Variants in FAM222A observed in about 807,000 individuals in gnomAD.
FAM222A encodes the protein family with sequence similarity 222 member A, also known as protein FAM222A.
A neutral mutation model predicts 25.8 loss-of-function variants in FAM222A; 7 were observed. That is an observed-to-expected ratio of 0.27 (90% confidence interval 0.15 to 0.51). The LOEUF (loss-of-function observed/expected upper bound fraction) is 0.51, where lower values mean the gene tolerates loss of function less well. Ranked by LOEUF, FAM222A falls within the 20% of genes least tolerant of loss-of-function variation. The probability of loss-of-function intolerance (pLI) is 0.97; values close to 1 mark genes in which losing one functional copy is unlikely to be tolerated. For synonymous variants in FAM222A, 294 were observed against 298.8 expected (o/e 0.98, Z 0.17); for missense variants, 573 against 640.5 (o/e 0.89, Z 1.14).
Position 109,713,850 on chromosome 12 carries a change from C to A in FAM222A, c.-1094C>A, listed in dbSNP as rs975867709. 1.3e-5 allele frequency among the ~76,000 whole-genome samples: 2 copies of A among 150,270 alleles called. No individual in the cohort carries two copies. The highest frequency in any genetic ancestry group is 3.9e-4 in the East Asian group (2 of 5,122). On this transcript the variant is annotated 5_prime_UTR_variant, in exon 1 of 3. Transcript: ENST00000538780. ...AGTCGGGCCAGAGCGGAGCAGCGGG[C>A]AGGACTGCCTGGCCGGCTGCTCCGC... is the stretch of plus-strand genomic sequence containing the variant.
chr12:109,734,268 G>C (rs1888021409), intron 1 of FAM222A: 1 of 151,950 alleles, frequency 6.6e-6, no homozygotes, highest in South Asian at 2.1e-4. Context: ...GGAGAGATGT[G>C]CGCTACACAC....
chr12:109,742,474 A>T (rs1888270552), intron 1 of FAM222A, among the ~76,000 whole-genome samples: 1 of 152,220 alleles, frequency 6.6e-6, no homozygotes, highest in African/African-American at 2.4e-5. Flanking sequence ...GGCCTATTTT[A>T]AAATTACCAG....
intron 1 of FAM222A, among the ~76,000 whole-genome samples, chr12:109,738,756 C>T (rs992033772): frequency 6.6e-6 from 1 of 152,232 alleles, no homozygotes; most frequent in Non-Finnish European, 1.5e-5. Context: ...GACTGCCCCA[C>T]ACCTTGTACA....
chr12:109,715,203 C>T (rs929878901), intron 1 of FAM222A, among the ~76,000 whole-genome samples: 5 of 152,040 alleles, frequency 3.3e-5, no homozygotes, highest in Admixed American at 3.3e-4. Context: ...CCCGGGAACT[C>T]CAGTGTCTTG....
At chr12:109,723,924 A>C (rs1019091375) in intron 1 of FAM222A, among the ~76,000 whole-genome samples, 2 of 151,238 alleles carry the variant, frequency 1.3e-5, no homozygotes, top group Admixed American at 1.3e-4. Flanking sequence ...GTGCCACCAT[A>C]TGCAAAAGAG....
chr12:109,762,612 C>G (rs769481835), intron 2 of FAM222A, among the ~76,000 whole-genome samples: 5 of 152,240 alleles, frequency 3.3e-5, no homozygotes, highest in Non-Finnish European at 7.3e-5. Context: ...CAAAACGGGA[C>G]TGTGCAATTG....
chr12:109,726,334 C>CT (rs1055121644), intron 1 of FAM222A, among the ~76,000 whole-genome samples: 2 of 152,106 alleles, frequency 1.3e-5, no homozygotes, highest in African/African-American at 2.4e-5. Flanking sequence ...CTGCTGGGGC[C>CT]TGGGGACATC....
intron 2 of FAM222A, among the ~76,000 whole-genome samples, chr12:109,763,440 A>G (rs1014714572): frequency 6.6e-6 from 1 of 152,222 alleles, no homozygotes; most frequent in Non-Finnish European, 1.5e-5. Context: ...AGGGTCTGTC[A>G]TGAGGTTGCA....
intron 2 of FAM222A, among the ~76,000 whole-genome samples, chr12:109,749,742 T>TG (rs1424193112): frequency 5.3e-5 from 8 of 152,236 alleles, no homozygotes; most frequent in Non-Finnish European, 1.0e-4. Flanking sequence ...GGCTTTTGAA[T>TG]GGTGATGCAA....
intron 2 of FAM222A, among the ~76,000 whole-genome samples, chr12:109,758,434 T>C (rs1046399346): frequency 6.6e-6 from 1 of 152,132 alleles, no homozygotes; most frequent in Non-Finnish European, 1.5e-5. Flanking sequence ...TGCAGTCACT[T>C]CCCTGAGGTT....
At position 109,714,166 on chromosome 12, in the gene FAM222A, G is replaced by A. The variant is rs550862603; in HGVS notation, c.-778G>A. On this transcript the variant is annotated 5_prime_UTR_variant, in exon 1 of 3. Transcript: ENST00000538780. The surrounding 1 kb of genome is among the most constrained non-coding windows in gnomAD (Gnocchi z 4.2). ...GGATCGGCTGTTTCTCAGCGCCGAGGCCCCCGAGGCTGCATCCGAGCTTGC... is the reference window on the plus strand; with the variant it reads ...GGATCGGCTGTTTCTCAGCGCCGAGACCCCCGAGGCTGCATCCGAGCTTGC... The A allele has an allele frequency of 3.2e-5, 6 of 185,514 alleles. No individual in the cohort carries two copies. In the South Asian group the frequency reaches 4.9e-4, roughly 15 times the overall value. The allele number at this position is 185,514 out of a possible 1,614,324, so 11.5% of individuals were successfully genotyped here.
At chr12:109,762,631 A>G (rs1592800109) in intron 2 of FAM222A, among the ~76,000 whole-genome samples, 2 of 152,082 alleles carry the variant, frequency 1.3e-5, no homozygotes, top group Admixed American at 6.6e-5. Context: ...TGCACTAAAC[A>G]CTCGCAGCTG....
intron 1 of FAM222A, among the ~76,000 whole-genome samples, chr12:109,731,568 T>G (rs1467235812): frequency 6.6e-6 from 1 of 152,168 alleles, no homozygotes; most frequent in African/African-American, 2.4e-5. Flanking sequence ...TGCTGCTCGA[T>G]GAAGCCACCC....
chr12:109,737,437 A>G (rs1303686986), intron 1 of FAM222A, among the ~76,000 whole-genome samples: 1 of 151,782 alleles, frequency 6.6e-6, no homozygotes, highest in Non-Finnish European at 1.5e-5. Flanking sequence ...TTGTCCTAGA[A>G]ACCAAAGAGC....
chr12:109,733,180 G>T (rs1887989104), intron 1 of FAM222A, among the ~76,000 whole-genome samples: 1 of 152,170 alleles, frequency 6.6e-6, no homozygotes, highest in South Asian at 2.1e-4. Context: ...TTGAACATTT[G>T]CAGTGAGGCA....
intron 1 of FAM222A, among the ~76,000 whole-genome samples, chr12:109,726,119 TAAAA>T (rs11464580): frequency 1.8e-5 from 2 of 110,378 alleles, no homozygotes; most frequent in East Asian, 2.8e-4. Context: ...AAAAAATTGC[TAAAA>T]AAAAAAAAAA....
chr12:109,758,079 C>T (rs553298417), intron 2 of FAM222A, among the ~76,000 whole-genome samples: 15 of 152,302 alleles, frequency 9.8e-5, no homozygotes, highest in East Asian at 3.9e-4. Flanking sequence ...CCACCTTGGC[C>T]GCTCCAGGGC....
chr12:109,767,062 C>CTTTTTTTTT (rs757766627), intron 2 of FAM222A, among the ~76,000 whole-genome samples: 5 of 93,060 alleles, frequency 5.4e-5, no homozygotes, highest in African/African-American at 8.6e-5. Flanking sequence ...TGCTTGGCTT[C>CTTTTTTTTT]TTTTTTTTTT....
chr12:109,733,592 A>G (rs1001115918), intron 1 of FAM222A, among the ~76,000 whole-genome samples: 4 of 152,016 alleles, frequency 2.6e-5, no homozygotes, highest in African/African-American at 9.7e-5. Flanking sequence ...TTTAGTAGAG[A>G]GGGGGTTTCA....
Sources: allele counts gnomAD v4.1 joint callset (sites outside exome capture counted in the v4.1 genomes callset), GRCh38; gene constraint gnomAD v4.1.1; non-coding constraint Gnocchi (gnomAD v3.1); transcripts MANE v1.5; gene names NCBI Gene and HGNC (gene_info 2026-07-23, HGNC 2026-07-21).